Variants in STPG2 observed in about 807,000 individuals in gnomAD.
STPG2 encodes the protein sperm-tail PG-rich repeat-containing protein 2.
Under a neutral mutation model 54.2 loss-of-function variants are expected in STPG2, and 56 were observed. That is an observed-to-expected ratio of 1.03 (90% confidence interval 0.83 to 1.29). STPG2 has a LOEUF of 1.29. STPG2 is among the 50% of genes most tolerant of loss of function. The pLI is 0.00. For missense variants in STPG2, 596 were observed against 544.9 expected (o/e 1.09, Z -0.93); for synonymous variants, 200 against 181.8 (o/e 1.10, Z -0.81).
At chr4:97,618,766 T>C (rs1343957284) in intron 10 of STPG2, among the ~76,000 whole-genome samples, 1 of 152,172 alleles carries the variant, frequency 6.6e-6, no homozygotes, top group Non-Finnish European at 1.5e-5. Context: ...GTGGTGTCTG[T>C]TTTGCTGTGT....
At chr4:97,854,432 C>A (rs1729264919) in intron 8 of STPG2, among the ~76,000 whole-genome samples, 1 of 147,474 alleles carries the variant, frequency 6.8e-6, no homozygotes, top group Admixed American at 6.8e-5. Context: ...ACTACTTAAA[C>A]TTTAGTTATT....
chr4:97,881,177 C>T (rs1730358022), intron 8 of STPG2, among the ~76,000 whole-genome samples: 1 of 151,884 alleles, frequency 6.6e-6, no homozygotes, highest in Non-Finnish European at 1.5e-5. Flanking sequence ...TGAGAAGAGG[C>T]CACTAAGTCT....
intron 9 of STPG2, among the ~76,000 whole-genome samples, chr4:97,830,261 A>T (rs1048517327): frequency 2.0e-5 from 3 of 152,238 alleles, no homozygotes; most frequent in African/African-American, 4.8e-5. Flanking sequence ...AGAATTTCAT[A>T]TCCAGCCAAA....
At chr4:97,647,733 G>A (rs767749681) in intron 10 of STPG2, among the ~76,000 whole-genome samples, 3 of 152,152 alleles carry the variant, frequency 2.0e-5, no homozygotes, top group Admixed American at 6.5e-5. Flanking sequence ...GCATTTGTCC[G>A]CCAAGATGCT....
At chr4:98,031,059 G>GC (rs1198760129) in intron 5 of STPG2, among the ~76,000 whole-genome samples, 1 of 152,028 alleles carries the variant, frequency 6.6e-6, no homozygotes, top group African/African-American at 2.4e-5. Context: ...ATAAAAACAG[G>GC]CACATAGACC....
intron 9 of STPG2, among the ~76,000 whole-genome samples, chr4:97,838,527 TC>T (rs1728700485): frequency 1.3e-5 from 2 of 151,126 alleles, no homozygotes; most frequent in South Asian, 2.1e-4. Flanking sequence ...GTTATATTGA[TC>T]AAAAAAAACG....
intron 8 of STPG2, among the ~76,000 whole-genome samples, chr4:97,891,693 AG>A (rs1321916481): frequency 6.6e-6 from 1 of 152,158 alleles, no homozygotes; most frequent in Non-Finnish European, 1.5e-5. Context: ...AAGAAAATAT[AG>A]AAAAATAATG....
chr4:97,949,477 T>G (rs1733379508), intron 7 of STPG2, among the ~76,000 whole-genome samples: 1 of 152,194 alleles, frequency 6.6e-6, no homozygotes, highest in Non-Finnish European at 1.5e-5. Flanking sequence ...CTTTTTTTTC[T>G]TCATTGTATT....
chr4:97,759,799 T>C (rs1182771714), intron 9 of STPG2, among the ~76,000 whole-genome samples: 1 of 152,160 alleles, frequency 6.6e-6, no homozygotes, highest in Non-Finnish European at 1.5e-5. Context: ...TTTTTCTACC[T>C]ATAATAAGCC....
chr4:97,889,020 T>C (rs1340780630), intron 8 of STPG2, among the ~76,000 whole-genome samples: 1 of 152,158 alleles, frequency 6.6e-6, no homozygotes, highest in Middle Eastern at 3.2e-3. Context: ...TCCTGAGGCC[T>C]CCACAGAAGC....
intron 5 of STPG2, among the ~76,000 whole-genome samples, chr4:98,079,480 A>G (rs1287173349): frequency 6.6e-6 from 1 of 152,186 alleles, no homozygotes; most frequent in Non-Finnish European, 1.5e-5. Context: ...TAACCTAAAC[A>G]GTTTAATTTG....
At chr4:97,888,335 T>A (rs72686445) in intron 8 of STPG2, among the ~76,000 whole-genome samples, 2 of 152,022 alleles carry the variant, frequency 1.3e-5, no homozygotes, top group Non-Finnish European at 2.9e-5. Context: ...AGAGCAGCCA[T>A]GGGGGCTGAG....
chr4:97,615,026 G>T (rs1733823165), intron 10 of STPG2, among the ~76,000 whole-genome samples: 1 of 152,110 alleles, frequency 6.6e-6, no homozygotes, highest in African/African-American at 2.4e-5. Flanking sequence ...CTTCTTAAAA[G>T]GAGTTCTCCA....
In STPG2 at chr4:97,981,165, T is replaced by C; in HGVS notation, c.766A>G (p.Met256Val). ...RFTQDIRTEE[M>V]PGPGFYNVLN... Reference sequence around the variant, plus strand: ...ATATAGATAAATTGCTAACCTGGCATTTCCTCTGTCCTGATGTCCTGTGTG... The same window carrying C: ...ATATAGATAAATTGCTAACCTGGCACTTCCTCTGTCCTGATGTCCTGTGTG... Residue 256 changes from methionine (M) to valine (V), a missense_variant, in exon 6 of 11, where the codon ATG (methionine) becomes GTG (valine). By Grantham distance (21) the Met-to-Val change is conservative (BLOSUM62 1). Transcript: ENST00000295268. The C allele has an allele frequency of 2.5e-6, 4 of 1,612,996 alleles. No homozygotes were observed. Among genetic ancestry groups the C allele is most frequent in the Non-Finnish European group, 3.4e-6 (4 of 1,179,654 alleles).
chr4:97,706,561 A>G (rs1177596732), intron 10 of STPG2, among the ~76,000 whole-genome samples: 3 of 152,174 alleles, frequency 2.0e-5, no homozygotes, highest in Non-Finnish European at 2.9e-5. Context: ...TTGTTTATAA[A>G]CCACCCAGTC....
intron 8 of STPG2, among the ~76,000 whole-genome samples, chr4:97,864,867 G>C (rs1018372279): frequency 6.6e-6 from 1 of 152,116 alleles, no homozygotes; most frequent in African/African-American, 2.4e-5. Flanking sequence ...AACAAATGGT[G>C]CTGGGAAAAC....
chr4:97,923,276 G>A (rs1329777435), intron 8 of STPG2, among the ~76,000 whole-genome samples: 1 of 151,916 alleles, frequency 6.6e-6, no homozygotes, highest in Non-Finnish European at 1.5e-5. Flanking sequence ...GTGGGAACAG[G>A]GGCTGTGCGC....
intron 8 of STPG2, among the ~76,000 whole-genome samples, chr4:97,918,358 G>A (rs1253687435): frequency 2.0e-5 from 3 of 152,064 alleles, no homozygotes; most frequent in Non-Finnish European, 4.4e-5. Context: ...AGCCAGCACA[G>A]GAAATTGTGT....
At chr4:97,800,061 A>G (rs1057164761) in intron 9 of STPG2, among the ~76,000 whole-genome samples, 6 of 152,048 alleles carry the variant, frequency 3.9e-5, no homozygotes, top group Non-Finnish European at 5.9e-5. Flanking sequence ...CTCTACACTG[A>G]TTATTCTAGT....
Sources: allele counts gnomAD v4.1 joint callset (sites outside exome capture counted in the v4.1 genomes callset), GRCh38; gene constraint gnomAD v4.1.1; transcripts MANE v1.5; gene names NCBI Gene and HGNC (gene_info 2026-07-23, HGNC 2026-07-21).